TUB: variants seen among roughly 807,000 people sequenced by gnomAD.
TUB encodes the protein tubby protein homolog.
A neutral mutation model predicts 59.7 loss-of-function variants in TUB; 33 were observed. The observed-to-expected ratio is 0.55, with a 90% CI of 0.42 to 0.74. The LOEUF (loss-of-function observed/expected upper bound fraction) is 0.74. Ranked by LOEUF, TUB falls within the 30% of genes least tolerant of loss-of-function variation. TUB has a pLI of 0.00. For synonymous variants in TUB, 293 were observed against 256.4 expected, an observed-to-expected ratio of 1.14 and a Z score of -1.36; for missense variants, 659 against 672.0, an observed-to-expected ratio of 0.98 and a Z score of 0.21.
intron 1 of TUB, among the ~76,000 whole-genome samples, chr11:8,086,453 A>G (rs1188916669): frequency 6.6e-6 from 1 of 152,144 alleles, no homozygotes; most frequent in Non-Finnish European, 1.5e-5. Flanking sequence ...GGAGACAGCC[A>G]TCGCAGTTGC....
At position 8,094,052 on chromosome 11, in the gene TUB, A is replaced by G; in HGVS notation, c.260A>G (p.Glu87Gly). The part of the protein sequence containing the change: ...SSGSTSYQVQ[E>G]ADSLASVQLG... ...GGGGATGTTTCCTGAGCAGTTCAAG[A>G]GGCCGACTCACTCGCCAGTGTGCAG... is the stretch of plus-strand genomic sequence containing the variant. Residue 87 changes from glutamate to glycine, a missense_variant, in exon 4 of 12, where the codon GAG (glutamate) becomes GGG (glycine). Glu to Gly is a moderately conservative substitution (Grantham distance 98). Coordinates refer to ENST00000299506, the MANE Select transcript of TUB (RefSeq NM_177972.3). 1 of 1,614,084 alleles carries G rather than the reference A, an allele frequency of 6.2e-7. No homozygotes were observed. The highest frequency in any genetic ancestry group is 8.5e-7 in the Non-Finnish European group (1 of 1,180,020).
chr11:8,049,006 A>G lies in TUB; in HGVS notation c.203+9314A>G, dbSNP rs565636871. ...TTCCCATGGTACAGCTAAAGCTCAA[A>G]GTGGTTAACCTCAAACATAGAGAGC... On this transcript the variant is annotated intron_variant, in intron 2 of 12. Coordinates refer to the TUB transcript ENST00000305253. Among the ~76,000 whole-genome samples the G allele has an allele frequency of 3.3e-5, 5 of 152,322 alleles. No homozygotes were observed. The East Asian group carries it at 9.6e-4, about 29-fold the overall frequency.
At chr11:8,035,168 G>A (rs77145614), upstream of TUB, among the ~76,000 whole-genome samples, 350 of 152,346 alleles carry the variant, frequency 2.3e-3, no homozygotes, top group Non-Finnish European at 3.9e-3. Flanking sequence ...TTTCAATATA[G>A]TATTTTTTTA....
chr11:8,101,103 G>A (rs1944279619), intron 11 of TUB, 106 bp downstream of exon 11: 3 of 1,357,830 alleles, frequency 2.2e-6, no homozygotes, highest in South Asian at 1.3e-5. Flanking sequence ...GTTTAAGAAT[G>A]TGAGCTATAC....
At position 8,095,522 on chromosome 11, in the gene TUB, C is replaced by T; in HGVS notation, c.422C>T (p.Ala141Val). The T allele has an allele frequency of 6.2e-7, 1 of 1,611,850 alleles. No homozygotes were observed. Among genetic ancestry groups the T allele is most frequent in the Non-Finnish European group, 8.5e-7 (1 of 1,179,156 alleles). The part of the protein sequence containing the change: ...HKGTSGPAAL[A>V]EDKSEAQGPV... ...GGCACCAGCGGGCCAGCAGCACTGGCAGAAGACAAGTCTGAGGCCCAAGGC... is the reference window on the plus strand; with the variant it reads ...GGCACCAGCGGGCCAGCAGCACTGGTAGAAGACAAGTCTGAGGCCCAAGGC... Residue 141 changes from alanine (A) to valine (V), a missense_variant, in exon 5 of 12, where the codon GCA becomes GTA. Physicochemically the swap from Ala to Val is moderately conservative, Grantham distance 64 (BLOSUM62 0). Around this residue, in one of 3 missense-constraint regions of TUB, gnomAD observed 321 missense variants for 304.3 expected, o/e 1.05. Coordinates refer to ENST00000299506, the MANE Select transcript of TUB (RefSeq NM_177972.3).
At chr11:8,099,323 G>A (rs1316776309) in intron 9 of TUB, among the ~76,000 whole-genome samples, 1 of 152,132 alleles carries the variant, frequency 6.6e-6, no homozygotes, top group Non-Finnish European at 1.5e-5. Context: ...ATGTCACACA[G>A]CTCAAAAACG....
At chr11:8,098,581 C>A (rs1235653898) in intron 8 of TUB, among the ~76,000 whole-genome samples, 177 bp from the exon 9 acceptor site, 1 of 152,214 alleles carries the variant, frequency 6.6e-6, no homozygotes, top group Non-Finnish European at 1.5e-5. Flanking sequence ...CAAGTCCAGG[C>A]CTTCTGCCCA....
At chr11:8,056,483 G>A (rs887552162) in intron 2 of TUB, among the ~76,000 whole-genome samples, 4 of 152,140 alleles carry the variant, frequency 2.6e-5, no homozygotes, top group East Asian at 1.9e-4. Context: ...GCAGGGGGAC[G>A]TCTGGAGTGT....
intron 2 of TUB, among the ~76,000 whole-genome samples, chr11:8,047,390 G>T (rs1942851766): frequency 6.6e-6 from 1 of 152,172 alleles, no homozygotes; most frequent in African/African-American, 2.4e-5. Context: ...ATCTACTACT[G>T]GGCTGTGATC....
At chr11:8,040,849 C>T (rs1942738887) in intron 2 of TUB, among the ~76,000 whole-genome samples, 1 of 152,212 alleles carries the variant, frequency 6.6e-6, no homozygotes. Flanking sequence ...TGACAGCCTC[C>T]TTCCTGAACC....
chr11:8,097,847 A>T, intron 8 of TUB, 21 bp downstream of exon 8: 2 of 1,597,980 alleles, frequency 1.3e-6, no homozygotes, highest in Non-Finnish European at 8.6e-7. Flanking sequence ...TCCCCCAGGA[A>T]GCAGGCGGGA....
chr11:8,058,309 A>G (rs1233316674), intron 2 of TUB, among the ~76,000 whole-genome samples: 4 of 151,758 alleles, frequency 2.6e-5, no homozygotes, highest in African/African-American at 7.3e-5. Flanking sequence ...ACCACTTCGT[A>G]TTCATTTTAC....
intron 1 of TUB, among the ~76,000 whole-genome samples, chr11:8,031,016 C>A (rs546869658): frequency 6.6e-6 from 1 of 152,194 alleles, no homozygotes; most frequent in South Asian, 2.1e-4. Flanking sequence ...AGTGTTCAGA[C>A]AACAGAGGCA....
intron 1 of TUB, among the ~76,000 whole-genome samples, chr11:8,028,929 C>G (rs7928772): frequency 0.12 from 18,578 of 152,144 alleles, 1,283 homozygotes; most frequent in Non-Finnish European, 0.13. Flanking sequence ...AGAAGATCAC[C>G]TGAGCCTGGA....
intron 1 of TUB, among the ~76,000 whole-genome samples, chr11:8,086,424 T>C (rs1305480409): frequency 6.6e-6 from 1 of 152,000 alleles, no homozygotes; most frequent in Non-Finnish European, 1.5e-5. Context: ...CCAGGGGAGC[T>C]TTTGGTGCTG....
intron 1 of TUB, chr11:8,039,170 C>A: frequency 9.0e-7 from 1 of 1,108,798 alleles, no homozygotes; most frequent in Non-Finnish European, 1.3e-6. Flanking sequence ...CCACGTGGAG[C>A]CCCACAGGTA....
At chr11:8,088,858 T>C (rs1487868744) in intron 1 of TUB, among the ~76,000 whole-genome samples, 1 of 152,128 alleles carries the variant, frequency 6.6e-6, no homozygotes, top group Admixed American at 6.5e-5. Flanking sequence ...GGCTCAAGAA[T>C]TTGATGTCCC....
At chr11:8,065,616 G>A (rs974940744) in intron 2 of TUB, among the ~76,000 whole-genome samples, 1 of 152,188 alleles carries the variant, frequency 6.6e-6, no homozygotes, top group Non-Finnish European at 1.5e-5. Context: ...AGTACCTAGA[G>A]CAGAGTTGAG....
In TUB at chr11:8,090,100, A is replaced by G. The variant is rs1396926520; in HGVS notation, c.122A>G (p.Lys41Arg). The change falls in exon 3 of 12, where the codon AAG becomes AGG. Residue 41 changes from lysine (K) to arginine (R), a missense_variant. Physicochemically the swap from Lys to Arg is conservative, Grantham distance 26. Transcript: ENST00000299506. ...RALLEQKQKK[K>R]RQEPLMVQAN... ...CTGCTGGAGCAGAAGCAGAAGAAGAAGCGCCAGGAGCCCCTGATGGTGCAG... is the reference window on the plus strand; with the variant it reads ...CTGCTGGAGCAGAAGCAGAAGAAGAGGCGCCAGGAGCCCCTGATGGTGCAG... The G allele has an allele frequency of 1.9e-6, 3 of 1,612,124 alleles. No individual in the cohort carries two copies. The highest frequency in any genetic ancestry group is 2.5e-6 in the Non-Finnish European group (3 of 1,179,176).
Sources: gnomAD v4.1 joint callset for allele counts (sites outside exome capture counted in the v4.1 genomes callset) on GRCh38, gnomAD v4.1.1 for gene constraint, gnomAD v4.1.1 regional missense constraint, MANE v1.5 for transcripts, NCBI Gene and HGNC (gene_info 2026-07-23, HGNC 2026-07-21) for gene names.